The following HIVEP1 variants were observed in gnomAD, a reference collection of about 807,000 sequenced individuals.
HIVEP1 encodes HIVEP zinc finger 1.
HIVEP1 carries 36 observed loss-of-function variants against 180.0 expected under a neutral mutation model. The ratio of observed to expected loss-of-function variants is 0.20; its 90% CI spans 0.15 to 0.26. The LOEUF (loss-of-function observed/expected upper bound fraction) is 0.26, where lower values mean the gene tolerates loss of function less well. Ranked by LOEUF, HIVEP1 falls within the 10% of genes least tolerant of loss-of-function variation. The probability of loss-of-function intolerance (pLI) is 1.00; values close to 1 mark genes in which losing one functional copy is unlikely to be tolerated. For synonymous variants in HIVEP1, 1,239 were observed against 1,239.0 expected, an observed-to-expected ratio of 1.00 and a Z score of 0.00; for missense variants, 3,143 against 3,268.7, an observed-to-expected ratio of 0.96 and a Z score of 0.94.
Position 12,124,141 on chromosome 6 carries a change from C to A in HIVEP1, c.4346C>A (p.Thr1449Lys). Reference sequence around the variant, plus strand: ...AGTCATCTGTCTCCTGTACACCCAACATCTTTCCAAAATACTGCTCTTCCC... The same window carrying A: ...AGTCATCTGTCTCCTGTACACCCAAAATCTTTCCAAAATACTGCTCTTCCC... ...PDSHLSPVHP[T>K]SFQNTALPSV... Residue 1449 changes from threonine (T) to lysine (K), a missense_variant, in exon 4 of 9, where the codon ACA (threonine) becomes AAA (lysine). By Grantham distance (78) the Thr-to-Lys change is moderately conservative. Coordinates refer to ENST00000379388, the MANE Select transcript of HIVEP1 (RefSeq NM_002114.4). The A allele has an allele frequency of 1.9e-6, 3 of 1,614,168 alleles. No homozygotes were observed. Among genetic ancestry groups the A allele is most frequent in the Non-Finnish European group, 1.7e-6 (2 of 1,180,030 alleles).
In HIVEP1 at chr6:12,125,029, A is replaced by C; in HGVS notation, c.5234A>C (p.Lys1745Thr). 6.2e-7 allele frequency: 1 copy of C among 1,614,202 alleles called. No individual in the cohort carries two copies. The change falls in exon 4 of 9, where the codon AAA becomes ACA. Residue 1745 changes from lysine to threonine, a missense_variant. Transcript: ENST00000379388. ...SPQQESSASS[K>T]RMLSPANSLD... The stretch of plus-strand genomic sequence containing the variant: ...CAACAAGAATCTTCAGCTTCGAGTA[A>C]AAGGATGCTTTCCCCAGCAAATAGT...
chr6:12,092,472 A>G (rs1426442763), intron 3 of HIVEP1, among the ~76,000 whole-genome samples: 1 of 151,898 alleles, frequency 6.6e-6, no homozygotes, highest in Non-Finnish European at 1.5e-5. Flanking sequence ...AGTTATTTCC[A>G]CCTTTTTGCT....
intron 2 of HIVEP1, among the ~76,000 whole-genome samples, chr6:12,079,674 C>T (rs1772637409): frequency 6.6e-6 from 1 of 152,172 alleles, no homozygotes; most frequent in African/African-American, 2.4e-5. Context: ...ATGTTGGAAT[C>T]ACCTGGGAAA....
chr6:12,063,053 A>G lies in HIVEP1; in HGVS notation c.41-26131A>G, dbSNP rs1771342767. On this transcript the variant is annotated intron_variant, in intron 2 of 8. Transcript: ENST00000379388. The surrounding 1 kb of genome is among the most constrained non-coding windows in gnomAD (Gnocchi z 4.2). Reference sequence around the variant, plus strand: ...TTAGTAGTAGTTATTGCTAACACGTATCATTATTCATGATTTAAAAATATA... The same window carrying G: ...TTAGTAGTAGTTATTGCTAACACGTGTCATTATTCATGATTTAAAAATATA... 6.6e-6 allele frequency among the ~76,000 whole-genome samples: 1 copy of G among 152,248 alleles called. No homozygotes were observed. Among genetic ancestry groups the G allele is most frequent in the African/African-American group, 2.4e-5 (1 of 41,458 alleles).
Position 12,124,938 on chromosome 6 carries a change from C to G in HIVEP1, c.5143C>G (p.Gln1715Glu). ...LCENVFSEMSQNSSLSESLPI... is the reference protein window; with the variant it reads ...LCENVFSEMSENSSLSESLPI... Reference sequence around the variant, plus strand: ...TGAAAATGTTTTTTCAGAGATGAGCCAAAATTCTTCTCTATCAGAATCCTT... The same window carrying G: ...TGAAAATGTTTTTTCAGAGATGAGCGAAAATTCTTCTCTATCAGAATCCTT... The change falls in exon 4 of 9, where the codon CAA becomes GAA. Residue 1715 changes from glutamine (Q) to glutamate (E), a missense_variant. Around this residue, in one of 12 missense-constraint regions of HIVEP1, gnomAD observed 1,357 missense variants for 1,260.5 expected, o/e 1.08. Transcript: ENST00000379388. 4 of 1,613,942 alleles carry G rather than the reference C, an allele frequency of 2.5e-6. No homozygotes were observed. Among genetic ancestry groups the G allele is most frequent in the Non-Finnish European group, 3.4e-6 (4 of 1,179,962 alleles).
chr6:12,120,286 A>G lies in HIVEP1; in HGVS notation c.491A>G (p.Asp164Gly), dbSNP rs199963396. ...AKFSDLDEQC[D>G]SSSLSSKTRT... ...TTCAGTGACCTCGATGAACAATGTGACTCAAGTTCCTTGTCAAGTAAAACC... is the reference window on the plus strand; with the variant it reads ...TTCAGTGACCTCGATGAACAATGTGGCTCAAGTTCCTTGTCAAGTAAAACC... The change falls in exon 4 of 9, where the codon GAC becomes GGC. Residue 164 changes from aspartate (D) to glycine (G), a missense_variant. Coordinates refer to ENST00000379388, the MANE Select transcript of HIVEP1 (RefSeq NM_002114.4). The G allele has an allele frequency of 6.2e-7, 1 of 1,614,130 alleles. No individual in the cohort carries two copies. Among genetic ancestry groups the G allele is most frequent in the East Asian group, 2.2e-5 (1 of 44,884 alleles).
rs764913203 is a variant in HIVEP1, at chr6:12,120,679, A to G, written c.884A>G (p.Asn295Ser). The G allele has an allele frequency of 4.5e-5, 73 of 1,614,070 alleles. No individual in the cohort carries two copies. Among genetic ancestry groups the G allele is most frequent in the Non-Finnish European group, 5.5e-5 (65 of 1,180,044 alleles). The change falls in exon 4 of 9, where the codon AAC becomes AGC. Residue 295 changes from asparagine (N) to serine (S), a missense_variant. Coordinates refer to ENST00000379388, the MANE Select transcript of HIVEP1 (RefSeq NM_002114.4). ...HQHEHFVPKS[N>S]QHNQQLPGCS... ...CATGAACACTTTGTTCCCAAATCCA[A>G]CCAACATAATCAACAGCTTCCGGGG...
intron 3 of HIVEP1, among the ~76,000 whole-genome samples, chr6:12,116,545 A>G (rs1157516005): frequency 1.3e-5 from 2 of 151,794 alleles, no homozygotes; most frequent in Non-Finnish European, 2.9e-5. Context: ...CCCTCCTTAC[A>G]ATAAAAAAAA....
the HIVEP1 span, among the ~76,000 whole-genome samples, chr6:12,183,079 C>T: frequency 6.6e-6 from 1 of 151,904 alleles, no homozygotes; most frequent in African/African-American, 2.4e-5. Context: ...AGAAAACTTA[C>T]GTATAAAAAA....
In HIVEP1 at chr6:12,123,585, C is replaced by A; in HGVS notation, c.3790C>A (p.Gln1264Lys). 1 of 1,614,110 alleles carries A rather than the reference C, an allele frequency of 6.2e-7. No individual in the cohort carries two copies. Among genetic ancestry groups the A allele is most frequent in the Non-Finnish European group, 8.5e-7 (1 of 1,180,016 alleles). ...QEKSEKFSWP[Q>K]RSETLSKLPT... ...AAAGTCAGAGAAGTTCAGTTGGCCCCAGCGTAGTGAAACCTTGTCAAAATT... is the reference window on the plus strand; with the variant it reads ...AAAGTCAGAGAAGTTCAGTTGGCCCAAGCGTAGTGAAACCTTGTCAAAATT... Residue 1264 changes from glutamine to lysine, a missense_variant, in exon 4 of 9, where the codon CAG becomes AAG. Coordinates refer to ENST00000379388, the MANE Select transcript of HIVEP1 (RefSeq NM_002114.4).
At chr6:12,080,806 T>G (rs536495086) in intron 2 of HIVEP1, among the ~76,000 whole-genome samples, 2 of 152,320 alleles carry the variant, frequency 1.3e-5, no homozygotes, top group East Asian at 3.9e-4. Context: ...ATAGAATGTT[T>G]TGTTCCTAAT....
At chr6:12,150,306 C>T (rs917511401) in intron 7 of HIVEP1, among the ~76,000 whole-genome samples, 3 of 152,104 alleles carry the variant, frequency 2.0e-5, no homozygotes, top group African/African-American at 4.8e-5. Flanking sequence ...TCCTTTGATC[C>T]GAAGAATGTT....
At chr6:12,012,069 C>A, upstream of HIVEP1, 1 of 147,092 alleles carries the variant, frequency 6.8e-6, no homozygotes, top group South Asian at 1.8e-4. Context: ...AGCCCGCGCC[C>A]GTCCTTCCCG....
intron 3 of HIVEP1, among the ~76,000 whole-genome samples, chr6:12,113,423 G>A (rs1460468178): frequency 6.6e-6 from 1 of 152,002 alleles, no homozygotes; most frequent in Admixed American, 6.6e-5. Flanking sequence ...GTTCGAGGAG[G>A]AGAAAGTTTA....
the HIVEP1 span, among the ~76,000 whole-genome samples, chr6:12,205,450 G>T: frequency 1.3e-5 from 2 of 151,136 alleles, no homozygotes; most frequent in Non-Finnish European, 2.9e-5. Context: ...CAGCCTGGGT[G>T]ACAGAGCAAG....
At chr6:12,168,204 A>AGATATACGTG (rs1760795697), downstream of HIVEP1, among the ~76,000 whole-genome samples, 3 of 55,084 alleles carry the variant, frequency 5.4e-5, 1 homozygote, top group Non-Finnish European at 1.2e-4. Context: ...GTATATATAC[A>AGATATACGTG]TATATACATA....
chr6:12,207,176 C>T, the HIVEP1 span, among the ~76,000 whole-genome samples: 2 of 152,216 alleles, frequency 1.3e-5, no homozygotes, highest in South Asian at 4.1e-4. Context: ...GGTGAGGCAC[C>T]TCGTTTTGAT....
chr6:12,037,085 G>A (rs1162589686), intron 2 of HIVEP1, among the ~76,000 whole-genome samples: 1 of 152,166 alleles, frequency 6.6e-6, no homozygotes, highest in African/African-American at 2.4e-5. Context: ...ATATTTACAA[G>A]GACCAAGTTA....
At chr6:12,182,835 A>C in the HIVEP1 span, among the ~76,000 whole-genome samples, 1 of 152,234 alleles carries the variant, frequency 6.6e-6, no homozygotes, top group South Asian at 2.1e-4. Flanking sequence ...TGTCATTAAT[A>C]ACATCAGAAT....
Sources: gnomAD v4.1 joint callset for allele counts (sites outside exome capture counted in the v4.1 genomes callset) on GRCh38, gnomAD v4.1.1 for gene constraint, gnomAD v4.1.1 regional missense constraint, Gnocchi (gnomAD v3.1) non-coding constraint, MANE v1.5 for transcripts, NCBI Gene and HGNC (gene_info 2026-07-23, HGNC 2026-07-21) for gene names.